Variants in GBF1 observed in about 807,000 individuals in gnomAD.
GBF1 encodes golgi brefeldin A resistant guanine nucleotide exchange factor 1, also known as Golgi-specific brefeldin A-resistance guanine nucleotide exchange factor 1.
In GBF1, 114 loss-of-function variants were observed where a neutral mutation model predicts 210.5. The ratio of observed to expected loss-of-function variants is 0.54; its 90% confidence interval spans 0.47 to 0.63. GBF1 has a LOEUF of 0.63. GBF1 is among the 30% of genes least tolerant of loss of function. The pLI, the probability that GBF1 is intolerant of heterozygous loss-of-function variation, is 0.00. For synonymous variants in GBF1, 850 were observed against 889.2 expected (o/e 0.96, Z 0.78); for missense variants, 1,851 against 2,357.7 (o/e 0.79, Z 4.45).
intron 33 of GBF1, among the ~76,000 whole-genome samples, chr10:102,377,986 G>A (rs1328495292): frequency 2.6e-5 from 4 of 152,112 alleles, no homozygotes; most frequent in Admixed American, 6.5e-5. Flanking sequence ...TTGGGAGGCC[G>A]AGGCGGGTGG....
chr10:102,369,317 G>A lies in GBF1; in HGVS notation c.3080G>A (p.Gly1027Asp). The A allele has an allele frequency of 6.2e-7, 1 of 1,613,954 alleles. No homozygotes were observed. The highest frequency in any genetic ancestry group is 8.5e-7 in the Non-Finnish European group (1 of 1,179,784). Residue 1027 changes from glycine (G) to aspartate (D), a missense_variant, in exon 24 of 40, where the codon GGC (glycine) becomes GAC (aspartate). By Grantham distance (94) the Gly-to-Asp change is moderately conservative. This residue lies in a region of GBF1 where 967 missense variants were observed against 1,247.7 expected (regional missense o/e 0.78). Coordinates refer to ENST00000369983, the MANE Select transcript of GBF1 (RefSeq NM_001377137.1). ...CGTCATGGTGACATCCTGCGGGAGG[G>A]CTGGAAGAATATCATGGAGGCCATG... is the stretch of plus-strand genomic sequence containing the variant. ...AHRHGDILRE[G>D]WKNIMEAMLQ...
chr10:102,381,461 G>A (rs2060839776), intron 39 of GBF1, among the ~76,000 whole-genome samples: 1 of 152,180 alleles, frequency 6.6e-6, no homozygotes, highest in Admixed American at 6.5e-5. Flanking sequence ...TTCAGGCTTG[G>A]GAAGAGAAGG....
chr10:102,356,203 G>A (rs865932133), intron 8 of GBF1, among the ~76,000 whole-genome samples: 3 of 152,190 alleles, frequency 2.0e-5, no homozygotes, highest in Admixed American at 6.5e-5. Context: ...GAGAGCTTGG[G>A]GGAGCTTGAG....
At chr10:102,358,836 C>T (rs756830536) in intron 10 of GBF1, 107 bp downstream of exon 10, 3 of 702,906 alleles carry the variant, frequency 4.3e-6, no homozygotes, top group Non-Finnish European at 7.3e-6. Context: ...CTTGGGGTAA[C>T]TTCAAAAGAA....
chr10:102,342,209 T>C (rs2058233656), intron 3 of GBF1, among the ~76,000 whole-genome samples: 1 of 151,962 alleles, frequency 6.6e-6, no homozygotes, highest in Admixed American at 6.6e-5. Context: ...GCTAATTTTT[T>C]TGTATTTTTA....
chr10:102,267,956 T>A (rs2074028182), intron 3 of GBF1, among the ~76,000 whole-genome samples: 1 of 152,220 alleles, frequency 6.6e-6, no homozygotes, highest in Non-Finnish European at 1.5e-5. Context: ...GGCCACAGAC[T>A]TGTAGACATT....
intron 3 of GBF1, among the ~76,000 whole-genome samples, chr10:102,300,829 A>G (rs2077274575): frequency 6.6e-6 from 1 of 151,708 alleles, no homozygotes; most frequent in South Asian, 2.1e-4. Context: ...GAGGAACATC[A>G]CTCTTTTGTG....
intron 3 of GBF1, among the ~76,000 whole-genome samples, chr10:102,317,600 A>G (rs2055932593): frequency 1.3e-5 from 2 of 152,170 alleles, no homozygotes; most frequent in African/African-American, 4.8e-5. Context: ...CCTGGGCGAC[A>G]AGAGCAAGAC....
At chr10:102,261,015 A>G (rs1033085560) in intron 3 of GBF1, among the ~76,000 whole-genome samples, 1 of 152,110 alleles carries the variant, frequency 6.6e-6, no homozygotes, top group African/African-American at 2.4e-5. Context: ...TTGAACTTTT[A>G]TACAACCCTG....
chr10:102,310,418 C>T (rs909570907), intron 3 of GBF1, among the ~76,000 whole-genome samples: 2 of 152,154 alleles, frequency 1.3e-5, no homozygotes, highest in Admixed American at 1.3e-4. Flanking sequence ...AGGTCTGCTA[C>T]GCCTGTATTA....
At chr10:102,331,732 ATGCAGTGGT>A (rs777686896) in intron 3 of GBF1, among the ~76,000 whole-genome samples, 4 of 151,796 alleles carry the variant, frequency 2.6e-5, no homozygotes, top group Non-Finnish European at 4.4e-5. Context: ...CCAGACTGGA[ATGCAGTGGT>A]GCCATCATGG....
chr10:102,377,512 C>A (rs972719349), intron 33 of GBF1, among the ~76,000 whole-genome samples: 2 of 152,050 alleles, frequency 1.3e-5, no homozygotes, highest in Non-Finnish European at 2.9e-5. Flanking sequence ...TGCCACCATG[C>A]CTGGCTAATT....
intron 29 of GBF1, among the ~76,000 whole-genome samples, chr10:102,373,020 T>G (rs1025904141): frequency 1.3e-5 from 2 of 152,192 alleles, no homozygotes; most frequent in African/African-American, 4.8e-5. Flanking sequence ...TGGGCTACAT[T>G]AATATTTTTA....
intron 6 of GBF1, 77 bp from the exon 7 acceptor site, chr10:102,352,381 G>A: frequency 1.0e-6 from 1 of 963,374 alleles, no homozygotes; most frequent in Non-Finnish European, 1.7e-6. Context: ...GGTTTGGAGG[G>A]GAGTCTGCTC....
At chr10:102,380,030 C>A in intron 36 of GBF1, 76 bp downstream of exon 36, 2 of 1,029,490 alleles carry the variant, frequency 1.9e-6, no homozygotes, top group Non-Finnish European at 3.0e-6. Context: ...GGGCTTCTGG[C>A]AGGACCTAGA....
intron 3 of GBF1, among the ~76,000 whole-genome samples, chr10:102,306,421 ATTTGTTTT>A (rs1451941463): frequency 6.6e-6 from 1 of 151,294 alleles, no homozygotes; most frequent in East Asian, 1.9e-4. Flanking sequence ...CTGTCTCTTT[ATTTGTTTT>A]TTTGTTTTTT....
At position 102,352,022 on chromosome 10, in the gene GBF1, C is replaced by T. The variant is rs768097497; in HGVS notation, c.523+71C>T. On this transcript the variant is annotated intron_variant, in intron 6 of 39. Coordinates refer to ENST00000369983, the MANE Select transcript of GBF1 (RefSeq NM_001377137.1). ...TCTGAGTATGAATACAGGAGGCTGT[C>T]TTCCCAGAGAGATGGAAAATTCAGG... 2.0e-4 allele frequency: 170 copies of T among 863,932 alleles called. 1 individual carries two copies. Among genetic ancestry groups the T allele is most frequent in the South Asian group, 3.6e-4 (27 of 75,278 alleles). The allele number at this position is 863,932 out of a possible 1,614,324, so 53.5% of individuals were successfully genotyped here.
At chr10:102,368,637 C>T (rs1393576956) in intron 22 of GBF1, 102 bp from the exon 23 acceptor site, 3 of 904,386 alleles carry the variant, frequency 3.3e-6, no homozygotes, top group Non-Finnish European at 3.6e-6. Context: ...AAGGTTTCTT[C>T]CTGGGACTGA....
intron 4 of GBF1, among the ~76,000 whole-genome samples, chr10:102,347,697 A>G (rs2058669553): frequency 6.6e-6 from 1 of 152,238 alleles, no homozygotes; most frequent in African/African-American, 2.4e-5. Context: ...CAGAGTAGCC[A>G]GAAGAGGAGG....
Sources: gnomAD v4.1 joint callset for allele counts (sites outside exome capture counted in the v4.1 genomes callset) on GRCh38, gnomAD v4.1.1 for gene constraint, gnomAD v4.1.1 regional missense constraint, MANE v1.5 for transcripts, NCBI Gene and HGNC (gene_info 2026-07-23, HGNC 2026-07-21) for gene names.